Variants in MYO3B observed in about 807,000 individuals in gnomAD.
MYO3B encodes myosin-IIIb.
MYO3B carries 156 observed loss-of-function variants against 174.6 expected under a neutral mutation model. The observed-to-expected ratio is 0.89, with a 90% CI of 0.78 to 1.02. The LOEUF (loss-of-function observed/expected upper bound fraction) is 1.02, where lower values mean the gene tolerates loss of function less well. Among genes scored for constraint, MYO3B ranks in the 50% least tolerant of loss-of-function variants. The probability of loss-of-function intolerance (pLI) is 0.00; values close to 1 mark genes in which losing one functional copy is unlikely to be tolerated. For synonymous variants in MYO3B, 563 were observed against 569.1 expected (o/e 0.99, Z 0.15); for missense variants, 1,632 against 1,639.4 (o/e 1.00, Z 0.08).
rs115208213 is a variant in MYO3B, at chr2:170,544,689, C to T, written c.3733+701C>T. ...TCAATTTTCTTCTTAGCCTGTTTTT[C>T]GGTGACAAAGTAGCACAGTATGAAG... is the stretch of plus-strand genomic sequence containing the variant. On this transcript the variant is annotated intron_variant, in intron 32 of 34. Coordinates refer to ENST00000408978, the MANE Select transcript of MYO3B (RefSeq NM_138995.5). Among the ~76,000 whole-genome samples the T allele has an allele frequency of 4.6e-3, 699 of 152,236 alleles. 3 individuals are homozygous for T. Among genetic ancestry groups the T allele is most frequent in the African/African-American group, 0.015 (603 of 41,544 alleles).
chr2:170,514,276 C>T (rs966781322), intron 28 of MYO3B, among the ~76,000 whole-genome samples: 2 of 152,172 alleles, frequency 1.3e-5, no homozygotes, highest in Non-Finnish European at 2.9e-5. Flanking sequence ...TGGGAAAATC[C>T]CTGGTAGAGC....
At chr2:170,319,857 A>T (rs1346670179) in intron 7 of MYO3B, among the ~76,000 whole-genome samples, 1 of 152,222 alleles carries the variant, frequency 6.6e-6, no homozygotes, top group African/African-American at 2.4e-5. Flanking sequence ...AGAAGTCAGA[A>T]GGCAGTGGGA....
At chr2:170,361,568 A>G (rs1244872858) in intron 8 of MYO3B, among the ~76,000 whole-genome samples, 1 of 152,226 alleles carries the variant, frequency 6.6e-6, no homozygotes, top group Non-Finnish European at 1.5e-5. Flanking sequence ...TTGAAAGCGT[A>G]GCTTAAACAT....
chr2:170,456,163 TG>T (rs987959584), intron 23 of MYO3B, among the ~76,000 whole-genome samples: 13 of 151,440 alleles, frequency 8.6e-5, no homozygotes, highest in African/African-American at 2.7e-4. Flanking sequence ...GATATTTTGG[TG>T]GGGGGGTGGG....
At chr2:170,338,643 C>G (rs1382519087) in intron 8 of MYO3B, among the ~76,000 whole-genome samples, 1 of 152,038 alleles carries the variant, frequency 6.6e-6, no homozygotes, top group Non-Finnish European at 1.5e-5. Flanking sequence ...CACTGTGTTG[C>G]CCAGGCTGGA....
chr2:170,487,910 C>T (rs1315411144), intron 25 of MYO3B, among the ~76,000 whole-genome samples: 1 of 152,196 alleles, frequency 6.6e-6, no homozygotes, highest in Non-Finnish European at 1.5e-5. Flanking sequence ...ATTCTTCTTT[C>T]TCCTCTCCCT....
intron 7 of MYO3B, among the ~76,000 whole-genome samples, chr2:170,276,542 T>C (rs1193154354): frequency 6.6e-6 from 1 of 152,184 alleles, no homozygotes; most frequent in African/African-American, 2.4e-5. Context: ...TTTGCTGCTA[T>C]AATTATTAAT....
chr2:170,306,963 A>AT (rs1027723498), intron 7 of MYO3B, among the ~76,000 whole-genome samples: 10 of 152,164 alleles, frequency 6.6e-5, no homozygotes, highest in African/African-American at 2.4e-4. Flanking sequence ...TGGGGAAAAC[A>AT]TTTTTTTAAC....
chr2:170,540,999 C>T (rs553980822), intron 30 of MYO3B, among the ~76,000 whole-genome samples: 4 of 152,258 alleles, frequency 2.6e-5, no homozygotes, highest in East Asian at 1.9e-4. Context: ...TGACCTCTGC[C>T]GCTGACTTTT....
intron 8 of MYO3B, among the ~76,000 whole-genome samples, chr2:170,359,391 C>A (rs2094145036): frequency 6.6e-6 from 1 of 151,582 alleles, no homozygotes; most frequent in Admixed American, 6.6e-5. Context: ...TAAATGAATT[C>A]ACTCCTTCCC....
At chr2:170,322,113 G>GACA (rs2093832440) in intron 7 of MYO3B, among the ~76,000 whole-genome samples, 1 of 86,000 alleles carries the variant, frequency 1.2e-5, no homozygotes, top group Non-Finnish European at 2.2e-5. Context: ...ACTCCGTCTC[G>GACA]AAAAAAAAAA....
intron 32 of MYO3B, among the ~76,000 whole-genome samples, chr2:170,550,998 A>G (rs1023607922): frequency 1.5e-5 from 2 of 137,366 alleles, no homozygotes; most frequent in African/African-American, 5.7e-5. Flanking sequence ...TCCTGGATTC[A>G]AGCTTTTCTC....
At chr2:170,203,503 G>T (rs905159513) in intron 3 of MYO3B, among the ~76,000 whole-genome samples, 26 of 141,050 alleles carry the variant, frequency 1.8e-4, no homozygotes, top group African/African-American at 6.0e-4. Flanking sequence ...GGCGGCGGGG[G>T]GGGGAGGGAG....
chr2:170,261,076 T>G (rs1409417707), intron 7 of MYO3B, among the ~76,000 whole-genome samples: 2 of 152,166 alleles, frequency 1.3e-5, no homozygotes, highest in African/African-American at 2.4e-5. Context: ...CAGGCTGGAG[T>G]GCAATGACAC....
chr2:170,375,999 G>T (rs1558938125), intron 9 of MYO3B, among the ~76,000 whole-genome samples: 1 of 152,060 alleles, frequency 6.6e-6, no homozygotes, highest in Non-Finnish European at 1.5e-5. Flanking sequence ...ACTGATTCTT[G>T]CCGCTTAGAG....
At chr2:170,467,104 A>G (rs1388081376) in intron 25 of MYO3B, among the ~76,000 whole-genome samples, 1 of 152,192 alleles carries the variant, frequency 6.6e-6, no homozygotes, top group African/African-American at 2.4e-5. Context: ...CACTTACATA[A>G]CACCTGAAGT....
intron 7 of MYO3B, among the ~76,000 whole-genome samples, chr2:170,260,035 G>A (rs968443738): frequency 4.0e-5 from 6 of 151,656 alleles, no homozygotes; most frequent in African/African-American, 1.2e-4. Context: ...TCTCACATTA[G>A]TCAGAATGGC....
At chr2:170,511,273 A>C (rs973348529) in intron 28 of MYO3B, among the ~76,000 whole-genome samples, 2 of 150,830 alleles carry the variant, frequency 1.3e-5, no homozygotes, top group African/African-American at 2.4e-5. Context: ...TCACCGTGTT[A>C]GCTAGGATGG....
In MYO3B at chr2:170,387,152, T is replaced by A. The variant is rs761151802; in HGVS notation, c.1421T>A (p.Leu474Gln). 1.2e-6 allele frequency: 2 copies of A among 1,614,108 alleles called. No individual in the cohort carries two copies. Among genetic ancestry groups the A allele is most frequent in the Non-Finnish European group, 1.7e-6 (2 of 1,179,960 alleles). The change falls in exon 14 of 35, where the codon CTG (leucine) becomes CAG (glutamine). Residue 474 changes from leucine to glutamine, a missense_variant. By Grantham distance (113) the Leu-to-Gln change is moderately radical (BLOSUM62 -2). Transcript: ENST00000408978. Reference sequence around the variant, plus strand: ...GAGAAAATTCTACAAGTCAACTCCCTGGTGGAAGCCTTTGGGAACTCATGC... The same window carrying A: ...GAGAAAATTCTACAAGTCAACTCCCAGGTGGAAGCCTTTGGGAACTCATGC... Reference protein sequence around the residue: ...LREKILQVNSLVEAFGNSCTA... With the variant: ...LREKILQVNSQVEAFGNSCTA...
Sources: gnomAD v4.1 joint callset for allele counts (sites outside exome capture counted in the v4.1 genomes callset) on GRCh38, gnomAD v4.1.1 for gene constraint, MANE v1.5 for transcripts, NCBI Gene and HGNC (gene_info 2026-07-23, HGNC 2026-07-21) for gene names.